The following ROBO1 variants were observed in gnomAD, a reference collection of about 807,000 sequenced individuals.
ROBO1 encodes roundabout guidance receptor 1, also known as roundabout homolog 1.
Under a neutral mutation model 195.9 loss-of-function variants are expected in ROBO1, and 149 were observed. The observed-to-expected ratio is 0.76, with a 90% CI of 0.67 to 0.87. The LOEUF (loss-of-function observed/expected upper bound fraction) is 0.87. Among genes scored for constraint, ROBO1 ranks in the 40% least tolerant of loss-of-function variants. The pLI, the probability that ROBO1 is intolerant of heterozygous loss-of-function variation, is 0.00. For synonymous variants in ROBO1, 816 were observed against 733.2 expected (o/e 1.11, Z -1.82); for missense variants, 1,933 against 2,068.3 (o/e 0.93, Z 1.27).
At chr3:79,121,147 T>C (rs901448824) in intron 3 of ROBO1, among the ~76,000 whole-genome samples, 5 of 152,148 alleles carry the variant, frequency 3.3e-5, no homozygotes, top group Admixed American at 6.6e-5. Context: ...TTAAATGAGT[T>C]GTTGCAGGTA....
chr3:78,767,228 G>A (rs1304713955), intron 4 of ROBO1, among the ~76,000 whole-genome samples: 1 of 150,212 alleles, frequency 6.7e-6, no homozygotes, highest in African/African-American at 2.5e-5. Flanking sequence ...GTAGAATTCT[G>A]CTGTGAATCC....
At chr3:78,999,534 G>A (rs1375229411) in intron 3 of ROBO1, among the ~76,000 whole-genome samples, 2 of 152,018 alleles carry the variant, frequency 1.3e-5, no homozygotes, top group East Asian at 3.9e-4. Flanking sequence ...AGATATCAGT[G>A]ACTGCCAGAG....
intron 2 of ROBO1, among the ~76,000 whole-genome samples, chr3:79,263,429 G>T (rs1007712618): frequency 7.2e-5 from 11 of 152,026 alleles, no homozygotes; most frequent in African/African-American, 2.7e-4. Context: ...CAGGAAAACA[G>T]CATGAGGACA....
intron 4 of ROBO1, among the ~76,000 whole-genome samples, chr3:78,815,940 T>C (rs904705855): frequency 6.6e-6 from 1 of 152,210 alleles, no homozygotes; most frequent in Non-Finnish European, 1.5e-5. Flanking sequence ...TTACTATATA[T>C]GTTTCCAGTT....
At chr3:79,376,519 T>G (rs1339902053) in intron 2 of ROBO1, among the ~76,000 whole-genome samples, 8 of 152,138 alleles carry the variant, frequency 5.3e-5, no homozygotes, top group Non-Finnish European at 1.5e-5. Flanking sequence ...GTGAGGTAAT[T>G]GAATCATGGG....
chr3:78,665,821 T>A (rs1030110497), intron 14 of ROBO1, among the ~76,000 whole-genome samples: 28 of 146,524 alleles, frequency 1.9e-4, no homozygotes, highest in Admixed American at 3.4e-4. Flanking sequence ...AGCTGAAATT[T>A]AAAAAAAAAA....
At chr3:79,313,312 C>T (rs2033577822) in intron 2 of ROBO1, among the ~76,000 whole-genome samples, 1 of 152,066 alleles carries the variant, frequency 6.6e-6, no homozygotes, top group South Asian at 2.1e-4. Flanking sequence ...CCTGCTTATG[C>T]CTTTTCCTGG....
At chr3:78,790,563 C>T (rs1291103805) in intron 4 of ROBO1, among the ~76,000 whole-genome samples, 1 of 152,176 alleles carries the variant, frequency 6.6e-6, no homozygotes, top group Admixed American at 6.5e-5. Context: ...AGGTCTTACT[C>T]ATGCTTACTA....
chr3:79,610,553 A>G (rs1160379720), intron 1 of ROBO1, among the ~76,000 whole-genome samples: 10 of 152,036 alleles, frequency 6.6e-5, no homozygotes, highest in Admixed American at 6.6e-4. Context: ...AACAAATATT[A>G]TATTCAAATA....
intron 1 of ROBO1, among the ~76,000 whole-genome samples, chr3:79,620,080 A>G (rs895146243): frequency 2.0e-5 from 3 of 152,194 alleles, no homozygotes; most frequent in African/African-American, 4.8e-5. Flanking sequence ...CTCCCTCAAG[A>G]TCTTGCTTCA....
chr3:79,658,239 G>A (rs1946227721), intron 1 of ROBO1, among the ~76,000 whole-genome samples: 2 of 152,002 alleles, frequency 1.3e-5, no homozygotes, highest in Non-Finnish European at 2.9e-5. Context: ...GTATGTCAGT[G>A]GTGGAATGAC....
chr3:79,255,073 T>G (rs1029328783), intron 2 of ROBO1, among the ~76,000 whole-genome samples: 1 of 152,200 alleles, frequency 6.6e-6, no homozygotes, highest in African/African-American at 2.4e-5. Context: ...AATACCATCA[T>G]CCATCTCATC....
chr3:78,709,326 T>C (rs1295752469), intron 8 of ROBO1, among the ~76,000 whole-genome samples: 2 of 152,154 alleles, frequency 1.3e-5, no homozygotes, highest in African/African-American at 4.8e-5. Flanking sequence ...ATTCTGAGAA[T>C]TAGTTTCAAT....
chr3:78,657,686 C>T (rs569614329), intron 17 of ROBO1, among the ~76,000 whole-genome samples: 2 of 152,258 alleles, frequency 1.3e-5, no homozygotes, highest in Admixed American at 1.3e-4. Flanking sequence ...TAGGCATGAC[C>T]CAGATGACCA....
chr3:78,608,137 CAA>C (rs1703575111), intron 28 of ROBO1, among the ~76,000 whole-genome samples: 1 of 151,812 alleles, frequency 6.6e-6, no homozygotes, highest in Non-Finnish European at 1.5e-5. Context: ...TTTTTGGAGA[CAA>C]AGTCTTGCTT....
intron 2 of ROBO1, among the ~76,000 whole-genome samples, chr3:79,317,534 A>AT (rs1181804012): frequency 1.3e-5 from 2 of 152,132 alleles, no homozygotes; most frequent in African/African-American, 4.8e-5. Flanking sequence ...GAAAAAAAAT[A>AT]TTTTTTATTT....
At chr3:78,916,055 T>C (rs1423619278) in intron 4 of ROBO1, among the ~76,000 whole-genome samples, 1 of 146,802 alleles carries the variant, frequency 6.8e-6, no homozygotes, top group Non-Finnish European at 1.5e-5. Flanking sequence ...ATCGAGACCA[T>C]CCTGGCTAAC....
chr3:79,006,102 ATATT>A lies in ROBO1; in HGVS notation c.173-67179_173-67176del, dbSNP rs554608656. Among the ~76,000 whole-genome samples, 48 of 152,322 alleles carry A rather than the reference ATATT, an allele frequency of 3.2e-4. No homozygotes were observed. In the South Asian group the frequency reaches 9.3e-3, roughly 30 times the overall value. ...ATAATTTCTCTTCTTATTCAAGAAT[ATATT>A]TATTTATTCAGCTCATCAGGGACTC... On this transcript the variant is annotated intron_variant, in intron 3 of 30. Coordinates refer to ENST00000464233, the MANE Select transcript of ROBO1 (RefSeq NM_002941.4).
chr3:79,234,721 C>A (rs2082378172), intron 2 of ROBO1, among the ~76,000 whole-genome samples: 1 of 151,966 alleles, frequency 6.6e-6, no homozygotes, highest in Admixed American at 6.6e-5. Context: ...AACACAGGAA[C>A]CGAAAACCAA....
Sources: allele counts gnomAD v4.1 joint callset (sites outside exome capture counted in the v4.1 genomes callset), GRCh38; gene constraint gnomAD v4.1.1; transcripts MANE v1.5; gene names NCBI Gene and HGNC (gene_info 2026-07-23, HGNC 2026-07-21).